The following TRERF1 variants were observed in gnomAD, a reference collection of about 807,000 sequenced individuals.
The protein encoded by TRERF1 is transcriptional-regulating factor 1.
In TRERF1, 27 loss-of-function variants were observed where a neutral mutation model predicts 122.9. The observed-to-expected ratio is 0.22, with a 90% CI of 0.16 to 0.30. The LOEUF is 0.30. TRERF1 is among the 10% of genes least tolerant of loss of function. The pLI is 1.00. For missense variants in TRERF1, 1,248 were observed against 1,560.3 expected (o/e 0.80, Z 3.37); for synonymous variants, 636 against 641.7 (o/e 0.99, Z 0.13).
At chr6:42,445,899 T>C (rs1342990073) in intron 2 of TRERF1, among the ~76,000 whole-genome samples, 1 of 151,868 alleles carries the variant, frequency 6.6e-6, no homozygotes, top group Non-Finnish European at 1.5e-5. Context: ...CTCCAAACTT[T>C]CTTTTGTTTG....
chr6:42,341,378 A>T (rs940146021), intron 3 of TRERF1, among the ~76,000 whole-genome samples: 2 of 152,240 alleles, frequency 1.3e-5, no homozygotes, highest in Non-Finnish European at 2.9e-5. Flanking sequence ...CAAGAATCAC[A>T]TTCAACTCTG....
intron 12 of TRERF1, among the ~76,000 whole-genome samples, chr6:42,255,326 G>C (rs972427576): frequency 1.3e-5 from 2 of 152,222 alleles, no homozygotes; most frequent in African/African-American, 4.8e-5. Context: ...CAGCTGAATA[G>C]AAACAGCTGC....
At chr6:42,301,875 A>G (rs890003067) in intron 3 of TRERF1, among the ~76,000 whole-genome samples, 3 of 152,206 alleles carry the variant, frequency 2.0e-5, no homozygotes, top group Admixed American at 2.0e-4. Flanking sequence ...AGAAAGAAAA[A>G]TGATTTCAAA....
At chr6:42,241,769 A>C (rs756095768) in intron 15 of TRERF1, among the ~76,000 whole-genome samples, 1 of 152,136 alleles carries the variant, frequency 6.6e-6, no homozygotes, top group Non-Finnish European at 1.5e-5. Context: ...GCCAAGTCCA[A>C]ATTTTTTATA....
rs975510357 is a variant in TRERF1 at position 42,263,990 on chromosome 6, C to A, written c.1636-422G>T. Among the ~76,000 whole-genome samples, 3 of 152,142 alleles carry A rather than the reference C, an allele frequency of 2.0e-5. No homozygotes were observed. The highest frequency in any genetic ancestry group is 2.0e-4 in the Admixed American group (3 of 15,282). The stretch of plus-strand genomic sequence containing the variant: ...ATTTTATTCAGGTCAGGAAACCACA[C>A]TGGAGATACAAAACATGTACTTTTA... On this transcript the variant is annotated intron_variant, in intron 7 of 17. Coordinates refer to ENST00000372922, the Ensembl canonical transcript of TRERF1. This position sits in a 1 kb window ranked among gnomAD's most constrained non-coding sequence, Gnocchi z 5.6.
In TRERF1 at chr6:42,269,299, G is replaced by C; in HGVS notation, c.292C>G (p.Arg98Gly). The C allele has an allele frequency of 6.2e-7, 1 of 1,614,170 alleles. No individual in the cohort carries two copies. Among genetic ancestry groups the C allele is most frequent in the Non-Finnish European group, 8.5e-7 (1 of 1,180,030 alleles). Residue 98 changes from arginine to glycine, a missense_variant, in exon 5 of 18, where the codon CGT becomes GGT. This residue lies in a region of TRERF1 where 946 missense variants were observed against 1,073.0 expected (regional missense o/e 0.88). Transcript: ENST00000372922. The surrounding 1 kb of genome is among the most constrained non-coding windows in gnomAD (Gnocchi z 4.9). The stretch of plus-strand genomic sequence containing the variant: ...ATGTTTGAGTTGGCCAGGTTTCCAC[G>C]TAGCTGGACATGGTTTCCAGGCCCT...
At position 42,259,344 on chromosome 6, in the gene TRERF1, C is replaced by T. The variant is rs751685056; in HGVS notation, c.2264G>A (p.Arg755His). The change falls in exon 9 of 18, where the codon CGC (arginine) becomes CAC (histidine). Residue 755 changes from arginine (R) to histidine (H), a missense_variant. This residue lies in a region of TRERF1 where 946 missense variants were observed against 1,073.0 expected (regional missense o/e 0.88). Coordinates refer to ENST00000372922, the Ensembl canonical transcript of TRERF1. The surrounding 1 kb of genome is among the most constrained non-coding windows in gnomAD (Gnocchi z 4.9). ...ACGCTAAAGGGGTGACTCACTGGAG[C>T]GACACAGCAGCACCCGTGGTGTGGG... 2.0e-6 allele frequency: 3 copies of T among 1,500,158 alleles called. No homozygotes were observed. Among genetic ancestry groups the T allele is most frequent in the Admixed American group, 2.3e-5 (1 of 43,330 alleles). The allele number at this position is 1,500,158 out of a possible 1,614,324, so 92.9% of individuals were successfully genotyped here.
intron 4 of TRERF1, among the ~76,000 whole-genome samples, chr6:42,299,116 C>CTGTCTGTCTGTCTGTCTGTCTGTA (rs10627056): frequency 7.1e-5 from 10 of 141,678 alleles, no homozygotes; most frequent in African/African-American, 2.1e-4. Flanking sequence ...GTCTGTCTGT[C>CTGTCTGTCTGTCTGTCTGTCTGTA]TCTATCTATC....
intron 2 of TRERF1, among the ~76,000 whole-genome samples, chr6:42,364,872 T>C (rs1772433744): frequency 6.6e-6 from 1 of 152,110 alleles, no homozygotes; most frequent in Admixed American, 6.5e-5. Flanking sequence ...AAGTTGCTGC[T>C]GCAGGACTGA....
intron 3 of TRERF1, among the ~76,000 whole-genome samples, chr6:42,326,249 GA>G (rs1489093334): frequency 2.1e-5 from 3 of 145,236 alleles, no homozygotes; most frequent in African/African-American, 8.5e-5. Context: ...TGGAAGGGGT[GA>G]CAGGGGCCTG....
chr6:42,391,734 A>G (rs925479489), intron 2 of TRERF1, among the ~76,000 whole-genome samples: 3 of 151,704 alleles, frequency 2.0e-5, no homozygotes, highest in African/African-American at 4.8e-5. Context: ...CTTCCCGCCT[A>G]CTCTACCTGC....
intron 3 of TRERF1, among the ~76,000 whole-genome samples, chr6:42,321,546 G>A: frequency 6.6e-6 from 1 of 152,156 alleles, no homozygotes; most frequent in South Asian, 2.1e-4. Flanking sequence ...AAGCATCAGG[G>A]TCACACACTT....
intron 3 of TRERF1, among the ~76,000 whole-genome samples, chr6:42,348,200 CAT>C (rs1491205566): frequency 9.5e-4 from 144 of 152,216 alleles, no homozygotes; most frequent in Non-Finnish European, 1.6e-3. Context: ...CACACACACA[CAT>C]ACACACACAC....
intron 3 of TRERF1, among the ~76,000 whole-genome samples, chr6:42,347,520 T>C (rs1254927435): frequency 6.6e-6 from 1 of 152,026 alleles, no homozygotes; most frequent in Admixed American, 6.6e-5. Flanking sequence ...AGAACTGTAC[T>C]GAGAGAATGT....
chr6:42,365,780 C>T (rs1772608810), intron 2 of TRERF1, among the ~76,000 whole-genome samples: 1 of 152,204 alleles, frequency 6.6e-6, no homozygotes. Flanking sequence ...TCATTCCTAA[C>T]TCTTGACATG....
chr6:42,361,013 C>T (rs1293684129), intron 3 of TRERF1, among the ~76,000 whole-genome samples: 1 of 152,110 alleles, frequency 6.6e-6, no homozygotes, highest in Non-Finnish European at 1.5e-5. Flanking sequence ...CTTCTATGGC[C>T]TGAATGTTTT....
chr6:42,347,925 A>T (rs1254013899), intron 3 of TRERF1, among the ~76,000 whole-genome samples: 1 of 152,380 alleles, frequency 6.6e-6, no homozygotes, highest in South Asian at 2.1e-4. Flanking sequence ...CAGGAAGAAC[A>T]TAACAGGTAT....
chr6:42,445,905 G>C (rs1219752812), intron 2 of TRERF1, among the ~76,000 whole-genome samples: 5 of 148,352 alleles, frequency 3.4e-5, no homozygotes, highest in Non-Finnish European at 7.5e-5. Context: ...ACTTTCTTTT[G>C]TTTGTTTGTT....
At chr6:42,267,224 TGTGGGAGGGTGAA>T (rs1383525503) in intron 5 of TRERF1, among the ~76,000 whole-genome samples, 1 of 152,012 alleles carries the variant, frequency 6.6e-6, no homozygotes, top group Non-Finnish European at 1.5e-5. Flanking sequence ...GTTCTAGCTA[TGTGGGAGGGTGAA>T]GTGGGAGGAT....
Sources: allele counts gnomAD v4.1 joint callset (sites outside exome capture counted in the v4.1 genomes callset), GRCh38; gene constraint gnomAD v4.1.1; regional missense constraint gnomAD v4.1.1; non-coding constraint Gnocchi (gnomAD v3.1); transcripts MANE v1.5; gene names NCBI Gene and HGNC (gene_info 2026-07-23, HGNC 2026-07-21).